Variants in FSTL4 observed in about 807,000 individuals in gnomAD.
The protein encoded by FSTL4 is follistatin like 4.
A neutral mutation model predicts 78.2 loss-of-function variants in FSTL4; 28 were observed. The ratio of observed to expected loss-of-function variants is 0.36; its 90% CI spans 0.27 to 0.49. FSTL4 has a LOEUF of 0.49. Ranked by LOEUF, FSTL4 falls within the 20% of genes least tolerant of loss-of-function variation. The probability of loss-of-function intolerance (pLI) is 0.98; values close to 1 mark genes in which losing one functional copy is unlikely to be tolerated. For missense variants in FSTL4, 922 were observed against 1,084.9 expected (o/e 0.85, Z 2.11); for synonymous variants, 422 against 440.5 (o/e 0.96, Z 0.53).
At chr5:133,639,723 C>T in the FSTL4 span, among the ~76,000 whole-genome samples, 2,500 of 152,262 alleles carry the variant, frequency 0.016, 68 homozygotes, top group African/African-American at 0.057. Flanking sequence ...CTCTCTACCA[C>T]GTTACCTCTG....
chr5:133,479,962 G>A (rs1757996109), intron 3 of FSTL4, among the ~76,000 whole-genome samples: 1 of 152,094 alleles, frequency 6.6e-6, no homozygotes, highest in Non-Finnish European at 1.5e-5. Flanking sequence ...TCTTTTATCT[G>A]CTTAAACAAA....
At chr5:133,821,277 G>C in the FSTL4 span, among the ~76,000 whole-genome samples, 1 of 152,156 alleles carries the variant, frequency 6.6e-6, no homozygotes, top group African/African-American at 2.4e-5. Flanking sequence ...TTCTCATCTG[G>C]TTCTTGATCA....
At chr5:133,629,984 A>G in the FSTL4 span, among the ~76,000 whole-genome samples, 3 of 152,238 alleles carry the variant, frequency 2.0e-5, no homozygotes, top group Non-Finnish European at 4.4e-5. Flanking sequence ...CTAGGTATTG[A>G]TGCAACGTAT....
intron 5 of FSTL4, among the ~76,000 whole-genome samples, chr5:133,313,174 A>C (rs1003264804): frequency 2.0e-5 from 3 of 152,200 alleles, no homozygotes; most frequent in Admixed American, 2.0e-4. Flanking sequence ...GGCTGAACTC[A>C]GTGTGGGGAC....
chr5:133,437,803 T>C (rs1757068096), intron 3 of FSTL4, among the ~76,000 whole-genome samples: 1 of 152,154 alleles, frequency 6.6e-6, no homozygotes, highest in African/African-American at 2.4e-5. Flanking sequence ...TAAATGGTTT[T>C]TTTTTTTAGT....
At chr5:133,730,219 G>A in the FSTL4 span, among the ~76,000 whole-genome samples, 1 of 152,158 alleles carries the variant, frequency 6.6e-6, no homozygotes, top group East Asian at 1.9e-4. Context: ...CTTATCTCTA[G>A]GGCAGTGGCC....
At chr5:133,290,828 C>T (rs1753245509) in intron 6 of FSTL4, among the ~76,000 whole-genome samples, 2 of 152,254 alleles carry the variant, frequency 1.3e-5, no homozygotes, top group South Asian at 4.1e-4. Flanking sequence ...CGGTCCCTCG[C>T]CTGCAATGTG....
At chr5:133,813,858 CT>C in the FSTL4 span, among the ~76,000 whole-genome samples, 1 of 152,214 alleles carries the variant, frequency 6.6e-6, no homozygotes, top group Non-Finnish European at 1.5e-5. Context: ...TAATAGGGAT[CT>C]GCTTCTAATA....
chr5:133,431,983 G>T (rs1351719169), intron 3 of FSTL4, among the ~76,000 whole-genome samples: 1 of 152,062 alleles, frequency 6.6e-6, no homozygotes, highest in Non-Finnish European at 1.5e-5. Flanking sequence ...GTACCCAAGG[G>T]TAGACACAAA....
At chr5:133,434,509 G>A (rs1209263212) in intron 3 of FSTL4, among the ~76,000 whole-genome samples, 1 of 152,074 alleles carries the variant, frequency 6.6e-6, no homozygotes, top group Non-Finnish European at 1.5e-5. Flanking sequence ...CCTTTAACCA[G>A]TCACTGCTTG....
chr5:133,230,360 A>G (rs1751457606), intron 8 of FSTL4, among the ~76,000 whole-genome samples: 1 of 152,178 alleles, frequency 6.6e-6, no homozygotes, highest in Non-Finnish European at 1.5e-5. Context: ...GTGACTTGGA[A>G]GCTCTCCCAG....
Position 133,233,501 on chromosome 5 carries a change from C to A in FSTL4, c.931G>T (p.Val311Leu), listed in dbSNP as rs756523892. The A allele has an allele frequency of 6.2e-7, 1 of 1,614,156 alleles. No homozygotes were observed. Among genetic ancestry groups the A allele is most frequent in the South Asian group, 1.1e-5 (1 of 91,080 alleles). The change falls in exon 8 of 16, where the codon GTG becomes TTG. Residue 311 changes from valine to leucine, a missense_variant. By Grantham distance (32) the Val-to-Leu change is conservative. Coordinates refer to ENST00000265342, the MANE Select transcript of FSTL4 (RefSeq NM_015082.2). ...GEDDSLYITK[V>L]TTIHMGNYTC... ...TAATTGCCCATGTGGATGGTGGTCA[C>A]CTTGGTGATGTACAGGGAATCATCC... is the stretch of plus-strand genomic sequence containing the variant.
At chr5:133,230,209 T>C (rs1581549155) in intron 8 of FSTL4, among the ~76,000 whole-genome samples, 1 of 152,158 alleles carries the variant, frequency 6.6e-6, no homozygotes, top group Non-Finnish European at 1.5e-5. Context: ...CAGACCCACA[T>C]GAATCGCATA....
the FSTL4 span, among the ~76,000 whole-genome samples, chr5:133,624,933 G>C: frequency 3.9e-4 from 59 of 151,470 alleles, 1 homozygote; most frequent in African/African-American, 1.4e-3. Context: ...CATTTATTTA[G>C]AGCGTCTCTC....
At chr5:133,817,249 A>G in the FSTL4 span, among the ~76,000 whole-genome samples, 2 of 152,234 alleles carry the variant, frequency 1.3e-5, no homozygotes, top group African/African-American at 2.4e-5. Context: ...TCACACTGCA[A>G]GTAAGGAGTG....
At chr5:133,231,969 A>AT (rs1373818850) in intron 8 of FSTL4, among the ~76,000 whole-genome samples, 22 of 152,264 alleles carry the variant, frequency 1.4e-4, no homozygotes, top group African/African-American at 5.1e-4. Flanking sequence ...TAAGAGGCAC[A>AT]GTCACGAAAG....
intron 3 of FSTL4, among the ~76,000 whole-genome samples, chr5:133,541,927 GACACAC>G (rs61471971): frequency 1.3e-5 from 2 of 148,232 alleles, no homozygotes; most frequent in Non-Finnish European, 3.0e-5. Flanking sequence ...GAATGTTACA[GACACAC>G]ACACACACAC....
At chr5:133,591,443 A>G (rs1049503633) in intron 2 of FSTL4, among the ~76,000 whole-genome samples, 7 of 152,118 alleles carry the variant, frequency 4.6e-5, no homozygotes, top group African/African-American at 1.7e-4. Context: ...GCTTGCTGAG[A>G]GGTTTGAGGC....
the FSTL4 span, among the ~76,000 whole-genome samples, chr5:133,715,363 T>A: frequency 2.6e-5 from 4 of 152,236 alleles, no homozygotes; most frequent in Non-Finnish European, 5.9e-5. Flanking sequence ...AGTAGCTTCA[T>A]GTTGATGTCA....
Sources: allele counts gnomAD v4.1 joint callset (sites outside exome capture counted in the v4.1 genomes callset), GRCh38; gene constraint gnomAD v4.1.1; transcripts MANE v1.5; gene names NCBI Gene and HGNC (gene_info 2026-07-23, HGNC 2026-07-21).